The following NCOR2 variants were observed in gnomAD, a reference collection of about 807,000 sequenced individuals.
NCOR2 encodes the protein CTG repeat protein 26.
NCOR2 carries 81 observed loss-of-function variants against 262.9 expected under a neutral mutation model. The ratio of observed to expected loss-of-function variants is 0.31; its 90% confidence interval spans 0.26 to 0.37. NCOR2 has a LOEUF of 0.37. NCOR2 is among the 10% of genes least tolerant of loss of function. The pLI is 1.00. For synonymous variants in NCOR2, 1,659 were observed against 1,559.3 expected (o/e 1.06, Z -1.51); for missense variants, 3,385 against 3,621.4 (o/e 0.93, Z 1.68).
intron 1 of NCOR2, among the ~76,000 whole-genome samples, chr12:124,488,598 G>T (rs146693000): frequency 0.011 from 1,642 of 152,368 alleles, 12 homozygotes; most frequent in Middle Eastern, 0.044. Context: ...GGTGCTCTCA[G>T]TGGGAGGAGA....
chr12:124,378,469 T>G lies in NCOR2; in HGVS notation c.2020-85A>C, dbSNP rs1262490091. On this transcript the variant is annotated intron_variant, in intron 17 of 46. Coordinates refer to ENST00000405201, the Ensembl canonical transcript of NCOR2. The surrounding 1 kb of genome is among the most constrained non-coding windows in gnomAD (Gnocchi z 4.2). ...CCCATGCCTGGGGCCTCGCCGCAGG[T>G]GCAAAGGGCAGTGATCCCGGCCATG... The G allele has an allele frequency of 7.3e-7, 1 of 1,370,086 alleles. No homozygotes were observed. The highest frequency in any genetic ancestry group is 9.8e-7 in the Non-Finnish European group (1 of 1,020,058). The allele number at this position is 1,370,086 out of a possible 1,614,324, so 84.9% of individuals were successfully genotyped here.
chr12:124,385,449 A>G (rs2040735172), intron 17 of NCOR2, among the ~76,000 whole-genome samples: 1 of 152,170 alleles, frequency 6.6e-6, no homozygotes, highest in South Asian at 2.1e-4. Flanking sequence ...CCACACCGTG[A>G]GACAGGGCTG....
chr12:124,363,702 G>A lies in NCOR2; in HGVS notation c.2905C>T (p.Arg969Ter). The A allele has an allele frequency of 2.1e-6, 3 of 1,400,370 alleles. No individual in the cohort carries two copies. Among genetic ancestry groups the A allele is most frequent in the Non-Finnish European group, 2.8e-6 (3 of 1,067,118 alleles). 86.7% of individuals were successfully genotyped at this position (1,400,370 alleles called of 1,614,324 possible). Residue 969 changes from arginine to a stop codon, truncating the protein, a stop_gained, in exon 21 of 47, where the codon CGA (arginine) becomes TGA (stop). Transcript: ENST00000405201. LOFTEE classifies it high-confidence loss of function. ...ACGATGGGGGGGATGGCAGCCGCTC[G>A]CTGCTTCAGCTGCTTCAGGTCCAGT...
chr12:124,469,089 T>C (rs1429329772), intron 4 of NCOR2, among the ~76,000 whole-genome samples: 2 of 151,694 alleles, frequency 1.3e-5, no homozygotes, highest in African/African-American at 2.4e-5. Context: ...GTCTGCTTCA[T>C]AGCAAGAGGG....
chr12:124,456,875 G>A (rs968906166), intron 6 of NCOR2, among the ~76,000 whole-genome samples: 2 of 152,224 alleles, frequency 1.3e-5, no homozygotes, highest in Non-Finnish European at 2.9e-5. Flanking sequence ...TGGCCCCGGA[G>A]GCGCTCGCTG....
chr12:124,363,852 G>A (rs1372364814), intron 20 of NCOR2, 53 bp from the exon 23 acceptor site: 2 of 1,304,528 alleles, frequency 1.5e-6, no homozygotes, highest in Non-Finnish European at 2.0e-6. Context: ...ACTCTCCCAG[G>A]GTGGGGGGGC....
At chr12:124,449,606 A>G (rs1419007416) in intron 7 of NCOR2, among the ~76,000 whole-genome samples, 1 of 140,602 alleles carries the variant, frequency 7.1e-6, no homozygotes, top group Non-Finnish European at 1.6e-5. Flanking sequence ...CCTGTCTCCC[A>G]AAACCTCAGG....
chr12:124,413,524 G>A (rs761743579), intron 13 of NCOR2, among the ~76,000 whole-genome samples: 3 of 152,172 alleles, frequency 2.0e-5, no homozygotes, highest in Non-Finnish European at 4.4e-5. Context: ...AGGCCCCTGC[G>A]AGCGGCCTCT....
chr12:124,558,043 A>G (rs1229666008), intron 1 of NCOR2, among the ~76,000 whole-genome samples: 2 of 151,982 alleles, frequency 1.3e-5, no homozygotes, highest in Non-Finnish European at 2.9e-5. Context: ...TAGCTTCAGG[A>G]GCAGGGCTGG....
intron 1 of NCOR2, among the ~76,000 whole-genome samples, chr12:124,512,065 C>G (rs2049423241): frequency 6.6e-6 from 1 of 152,212 alleles, no homozygotes; most frequent in African/African-American, 2.4e-5. Flanking sequence ...CAAGCCGCCA[C>G]CACATCCGGC....
intron 1 of NCOR2, among the ~76,000 whole-genome samples, chr12:124,493,737 T>C (rs1161059819): frequency 6.6e-6 from 1 of 152,124 alleles, no homozygotes; most frequent in East Asian, 1.9e-4. Context: ...GATGACAAAA[T>C]ATAAAATCAT....
exon 36 of NCOR2, chr12:124,340,403 C>A (rs747685237): frequency 3.7e-6 from 6 of 1,612,986 alleles, no homozygotes; most frequent in Non-Finnish European, 5.1e-6. Flanking sequence ...CCCGCTCGGA[C>A]GAGGACGTGG....
intron 1 of NCOR2, among the ~76,000 whole-genome samples, chr12:124,520,328 C>A (rs2050111846): frequency 6.6e-6 from 1 of 152,226 alleles, no homozygotes; most frequent in Admixed American, 6.5e-5. Context: ...CCAGGCGGGA[C>A]CATGACACCC....
intron 1 of NCOR2, among the ~76,000 whole-genome samples, chr12:124,514,994 C>T (rs774156181): frequency 3.8e-4 from 58 of 152,178 alleles, no homozygotes; most frequent in Non-Finnish European, 5.9e-4. Flanking sequence ...GGACACAAGC[C>T]TCCACCACGC....
At chr12:124,499,763 C>G (rs1301420311), upstream of NCOR2, among the ~76,000 whole-genome samples, 7 of 152,064 alleles carry the variant, frequency 4.6e-5, no homozygotes, top group Admixed American at 3.9e-4. Flanking sequence ...GTTCTCAGGG[C>G]AGTGGGGAGC....
At chr12:124,498,003 G>A (rs1010038128), upstream of NCOR2, among the ~76,000 whole-genome samples, 6 of 152,094 alleles carry the variant, frequency 3.9e-5, no homozygotes, top group Admixed American at 6.5e-5. Flanking sequence ...TGCAGACCCT[G>A]GTCATCTCAT....
At chr12:124,433,408 G>C (rs746631375) in intron 8 of NCOR2, among the ~76,000 whole-genome samples, 1 of 152,268 alleles carries the variant, frequency 6.6e-6, no homozygotes, top group South Asian at 2.1e-4. Context: ...GACTGGTGCA[G>C]ACCAGCGGGC....
intron 16 of NCOR2, among the ~76,000 whole-genome samples, chr12:124,390,122 G>T (rs1192966362): frequency 6.6e-6 from 1 of 152,180 alleles, no homozygotes; most frequent in Non-Finnish European, 1.5e-5. Flanking sequence ...CCACATCAGG[G>T]ATCTGGGCCT....
upstream of NCOR2, among the ~76,000 whole-genome samples, chr12:124,497,450 C>T (rs1046833519): frequency 6.6e-6 from 1 of 151,968 alleles, no homozygotes; most frequent in African/African-American, 2.4e-5. The surrounding 1 kb of genome is among the most constrained non-coding windows in gnomAD (Gnocchi z 4.2). Flanking sequence ...TCATGTGCCA[C>T]CCCCGCGTAG....
Sources: allele counts gnomAD v4.1 joint callset (sites outside exome capture counted in the v4.1 genomes callset), GRCh38; gene constraint gnomAD v4.1.1; non-coding constraint Gnocchi (gnomAD v3.1); transcripts MANE v1.5; gene names NCBI Gene and HGNC (gene_info 2026-07-23, HGNC 2026-07-21).